Variants in NLGN1 observed in about 807,000 individuals in gnomAD.
The protein encoded by NLGN1 is neuroligin 1, also known as neuroligin-1.
A neutral mutation model predicts 65.5 loss-of-function variants in NLGN1; 12 were observed. The ratio of observed to expected loss-of-function variants is 0.18; its 90% CI spans 0.12 to 0.30. NLGN1 has a LOEUF of 0.30. Among genes scored for constraint, NLGN1 ranks in the 10% least tolerant of loss-of-function variants. NLGN1 has a pLI of 1.00. For missense variants in NLGN1, 750 were observed against 1,007.1 expected (o/e 0.74, Z 3.46); for synonymous variants, 350 against 359.5 (o/e 0.97, Z 0.30).
chr3:173,398,386 A>G (rs1296311212), upstream of NLGN1: 3 of 152,180 alleles, frequency 2.0e-5, no homozygotes, highest in East Asian at 1.9e-4. Context: ...AGCAACTAAT[A>G]TATTATGCAT....
intron 4 of NLGN1, among the ~76,000 whole-genome samples, chr3:173,867,811 T>G (rs1240249839): frequency 1.3e-5 from 2 of 152,120 alleles, no homozygotes; most frequent in Non-Finnish European, 2.9e-5. Flanking sequence ...TTGGGAAGTT[T>G]AAAATCTACC....
rs75710321 is a variant in NLGN1, at chr3:173,720,789, A to G, written c.494-86891A>G. On this transcript the variant is annotated intron_variant, in intron 3 of 6. Coordinates refer to ENST00000457714, the Ensembl canonical transcript of NLGN1. ...TGGATGCCTATGAAGGCATAGTGCA[A>G]AGATCTGGGGATGAAGTAATGAAAC... Among the ~76,000 whole-genome samples, 944 of 152,322 alleles carry G rather than the reference A, an allele frequency of 6.2e-3. 11 individuals carry two copies. Among genetic ancestry groups the G allele is most frequent in the African/African-American group, 0.021 (888 of 41,582 alleles).
chr3:174,192,579 GA>G (rs1313704417), intron 4 of NLGN1, among the ~76,000 whole-genome samples: 1 of 152,246 alleles, frequency 6.6e-6, no homozygotes, highest in East Asian at 1.9e-4. Context: ...GGCTCCCAGA[GA>G]AATGTATATG....
intron 4 of NLGN1, among the ~76,000 whole-genome samples, chr3:174,203,521 A>G (rs532707744): frequency 6.5e-4 from 99 of 151,960 alleles, no homozygotes; most frequent in African/African-American, 2.2e-3. Context: ...TCTGCTGCCC[A>G]GGGCACTGCT....
At chr3:173,848,920 C>T (rs1726342062) in intron 4 of NLGN1, among the ~76,000 whole-genome samples, 1 of 151,976 alleles carries the variant, frequency 6.6e-6, no homozygotes, top group Non-Finnish European at 1.5e-5. Flanking sequence ...AAACAAAACT[C>T]ATAAGGTGTT....
At chr3:173,724,144 A>G (rs1771357080) in intron 3 of NLGN1, among the ~76,000 whole-genome samples, 1 of 152,218 alleles carries the variant, frequency 6.6e-6, no homozygotes, top group Non-Finnish European at 1.5e-5. Flanking sequence ...CTAGAAAATG[A>G]GTCTAAAGTT....
At chr3:174,135,411 G>A (rs898174315) in intron 4 of NLGN1, among the ~76,000 whole-genome samples, 5 of 152,132 alleles carry the variant, frequency 3.3e-5, no homozygotes, top group African/African-American at 4.8e-5. Context: ...AAATATGCTC[G>A]AAAGGGAGCA....
chr3:174,092,212 G>A (rs973587466), intron 4 of NLGN1, among the ~76,000 whole-genome samples: 16 of 152,140 alleles, frequency 1.1e-4, no homozygotes, highest in African/African-American at 3.6e-4. Context: ...TACTGAACTG[G>A]TGAATGGAAG....
chr3:174,077,605 G>T (rs1741275231), intron 4 of NLGN1, among the ~76,000 whole-genome samples: 1 of 151,824 alleles, frequency 6.6e-6, no homozygotes, highest in Non-Finnish European at 1.5e-5. Context: ...TCCCAGGCTG[G>T]AGTGTAGTGG....
intron 2 of NLGN1, among the ~76,000 whole-genome samples, chr3:173,469,616 T>C (rs544751920): frequency 6.6e-6 from 1 of 151,702 alleles, no homozygotes; most frequent in South Asian, 2.1e-4. Flanking sequence ...CCTCAGAAAG[T>C]TGGCATATGC....
intron 2 of NLGN1, among the ~76,000 whole-genome samples, chr3:173,476,377 ACAAT>A (rs1007949458): frequency 1.1e-4 from 17 of 152,358 alleles, no homozygotes; most frequent in African/African-American, 3.6e-4. Flanking sequence ...AGGAGTTAAA[ACAAT>A]CAGGCAAGAT....
chr3:173,469,936 T>C (rs1024414610), intron 2 of NLGN1, among the ~76,000 whole-genome samples: 1 of 151,314 alleles, frequency 6.6e-6, no homozygotes, highest in Non-Finnish European at 1.5e-5. Flanking sequence ...TTCTCTATTA[T>C]ATATGCATAC....
intron 4 of NLGN1, among the ~76,000 whole-genome samples, chr3:174,098,884 A>C (rs201471479): frequency 6.6e-6 from 1 of 152,228 alleles, no homozygotes; most frequent in Non-Finnish European, 1.5e-5. Context: ...TTAAAAATGC[A>C]TAAGCCATTA....
chr3:174,066,441 G>A (rs944529414), intron 4 of NLGN1, among the ~76,000 whole-genome samples: 7 of 148,934 alleles, frequency 4.7e-5, no homozygotes, highest in African/African-American at 1.7e-4. Flanking sequence ...TACAAAAGTT[G>A]ATTCTCTTTC....
intron 2 of NLGN1, among the ~76,000 whole-genome samples, chr3:173,472,030 G>T (rs1232257303): frequency 6.6e-6 from 1 of 152,130 alleles, no homozygotes; most frequent in South Asian, 2.1e-4. Flanking sequence ...CTCACCAGAA[G>T]TAAAATATTT....
At chr3:174,042,209 A>T (rs11718546) in intron 4 of NLGN1, among the ~76,000 whole-genome samples, 2 of 152,000 alleles carry the variant, frequency 1.3e-5, no homozygotes, top group African/African-American at 2.4e-5. Context: ...TCTTTTGATG[A>T]GAAGAAGTTT....
intron 4 of NLGN1, among the ~76,000 whole-genome samples, chr3:174,215,877 C>G (rs767513209): frequency 6.6e-6 from 1 of 152,090 alleles, no homozygotes; most frequent in African/African-American, 2.4e-5. Flanking sequence ...CTGCAGCCTC[C>G]CAGTGGGACA....
At chr3:174,201,324 G>A (rs796166829) in intron 4 of NLGN1, among the ~76,000 whole-genome samples, 1 of 129,618 alleles carries the variant, frequency 7.7e-6, no homozygotes. Flanking sequence ...GAGGGAGGCG[G>A]GAGGAGGGAA....
intron 4 of NLGN1, among the ~76,000 whole-genome samples, chr3:173,908,809 C>T (rs768227692): frequency 1.1e-4 from 16 of 152,056 alleles, no homozygotes; most frequent in Admixed American, 6.6e-5. Context: ...GATGGCATTG[C>T]GTTATTTTTC....
Sources: gnomAD v4.1 joint callset for allele counts (sites outside exome capture counted in the v4.1 genomes callset) on GRCh38, gnomAD v4.1.1 for gene constraint, MANE v1.5 for transcripts, NCBI Gene and HGNC (gene_info 2026-07-23, HGNC 2026-07-21) for gene names.